PCGF6: variants seen among roughly 807,000 people sequenced by gnomAD.
PCGF6 encodes the protein polycomb group RING finger protein 6.
PCGF6 carries 24 observed loss-of-function variants against 45.5 expected under a neutral mutation model. The ratio of observed to expected loss-of-function variants is 0.53; its 90% CI spans 0.38 to 0.74. The LOEUF is 0.74. PCGF6 is among the 30% of genes least tolerant of loss of function. The pLI is 0.00. For synonymous variants in PCGF6, 152 were observed against 162.1 expected, an observed-to-expected ratio of 0.94 and a Z score of 0.47; for missense variants, 356 against 443.2, an observed-to-expected ratio of 0.80 and a Z score of 1.77.
chr10:103,341,350 G>A (rs2093280027), intron 6 of PCGF6, among the ~76,000 whole-genome samples: 1 of 151,516 alleles, frequency 6.6e-6, no homozygotes, highest in Non-Finnish European at 1.5e-5. Flanking sequence ...TCCGCCTCCC[G>A]GGTTCAAGTG....
intron 7 of PCGF6, among the ~76,000 whole-genome samples, chr10:103,326,916 T>A (rs912823945): frequency 4.6e-5 from 7 of 152,084 alleles, no homozygotes; most frequent in African/African-American, 1.7e-4. Flanking sequence ...AAACTCAGAG[T>A]AAAATTTATT....
chr10:103,314,040 G>T (rs969938799), intron 9 of PCGF6, 146 bp downstream of exon 9: 4 of 376,406 alleles, frequency 1.1e-5, no homozygotes, highest in South Asian at 1.1e-4. Context: ...CACACAGCAA[G>T]AATTTGATAA....
In PCGF6 at chr10:103,338,664, C is replaced by T. The variant is rs568786102; in HGVS notation, c.783-4712G>A. Among the ~76,000 whole-genome samples, 30 of 151,146 alleles carry T rather than the reference C, an allele frequency of 2.0e-4. No individual in the cohort carries two copies. The South Asian group carries it at 5.5e-3, about 27-fold the overall frequency. On this transcript the variant is annotated intron_variant, in intron 6 of 9. Transcript: ENST00000369847. ...GGTGAATCACCTGAGGTCAGGAGTTCGAGACCAGCCTGGCCAACATGATGA... is the reference window on the plus strand; with the variant it reads ...GGTGAATCACCTGAGGTCAGGAGTTTGAGACCAGCCTGGCCAACATGATGA...
chr10:103,335,631 G>T (rs191450603), intron 6 of PCGF6, among the ~76,000 whole-genome samples: 2 of 151,694 alleles, frequency 1.3e-5, no homozygotes, highest in South Asian at 2.1e-4. Flanking sequence ...AAAGTGCTAG[G>T]ATTACAGGAG....
Position 103,314,874 on chromosome 10 carries a change from G to A in PCGF6, c.910-602C>T, listed in dbSNP as rs550906405. 6.4e-5 allele frequency among the ~76,000 whole-genome samples: 9 copies of A among 140,722 alleles called. No homozygotes were observed. The East Asian group carries it at 1.9e-3, about 30-fold the overall frequency. 92.3% of individuals were successfully genotyped at this position (140,722 alleles called of 152,430 possible). On this transcript the variant is annotated intron_variant, in intron 8 of 9. Transcript: ENST00000369847. ...GGAGGCTGAGGCAGGAGAATCACTC[G>A]ACCCCAGGAGGTGTTGGTTGCAATG...
chr10:103,305,288 T>C (rs965639719), intron 9 of PCGF6, among the ~76,000 whole-genome samples: 15 of 151,932 alleles, frequency 9.9e-5, no homozygotes, highest in Non-Finnish European at 1.8e-4. Context: ...TTTTTTTTTT[T>C]TGAAACACAG....
At chr10:103,344,405 G>C (rs1180452474) in intron 6 of PCGF6, among the ~76,000 whole-genome samples, 3 of 151,888 alleles carry the variant, frequency 2.0e-5, no homozygotes, top group Admixed American at 1.3e-4. Context: ...CCGAGTAGCT[G>C]GGATTACAGG....
intron 8 of PCGF6, among the ~76,000 whole-genome samples, chr10:103,326,006 G>A (rs1319549691): frequency 6.6e-6 from 1 of 152,022 alleles, no homozygotes; most frequent in East Asian, 1.9e-4. Context: ...CTTCAGCCTG[G>A]GCAACAGAAA....
chr10:103,309,624 C>A (rs936257859), intron 9 of PCGF6, among the ~76,000 whole-genome samples: 3 of 152,104 alleles, frequency 2.0e-5, no homozygotes, highest in Admixed American at 1.3e-4. Context: ...TACATCTTAA[C>A]AAAACTGCTA....
chr10:103,324,775 C>CA (rs1201045698), intron 8 of PCGF6, among the ~76,000 whole-genome samples: 7,385 of 86,522 alleles, frequency 0.085, 674 homozygotes, highest in African/African-American at 0.26. Context: ...AAAAAAAAAC[C>CA]AAAAAAAAAA....
At chr10:103,321,699 C>T (rs936217301) in intron 8 of PCGF6, among the ~76,000 whole-genome samples, 4 of 151,698 alleles carry the variant, frequency 2.6e-5, no homozygotes, top group Non-Finnish European at 5.9e-5. Context: ...GTGACAGAGA[C>T]TCCGTCTCAA....
At chr10:103,340,402 T>C (rs368717175) in intron 6 of PCGF6, among the ~76,000 whole-genome samples, 2 of 151,864 alleles carry the variant, frequency 1.3e-5, no homozygotes, top group South Asian at 4.2e-4. Flanking sequence ...CCTTGAGCAG[T>C]GTGGTCAAGT....
At chr10:103,347,323 A>C in intron 4 of PCGF6, 26 bp from the exon 5 acceptor site, 1 of 1,593,126 alleles carries the variant, frequency 6.3e-7, no homozygotes, top group South Asian at 1.1e-5. Flanking sequence ...ACACAGACTA[A>C]ATTACACTTA....
intron 6 of PCGF6, among the ~76,000 whole-genome samples, chr10:103,342,567 T>G (rs554057231): frequency 3.9e-5 from 6 of 152,104 alleles, no homozygotes; most frequent in East Asian, 1.9e-4. Context: ...AGGAATGGCC[T>G]GTACACATAA....
intron 1 of PCGF6, 47 bp from the exon 2 acceptor site, chr10:103,349,046 A>G (rs1328454246): frequency 6.6e-7 from 1 of 1,515,306 alleles, no homozygotes; most frequent in Non-Finnish European, 9.0e-7. Flanking sequence ...CTTGCCTTTT[A>G]CAAATTCTTT....
intron 6 of PCGF6, among the ~76,000 whole-genome samples, chr10:103,340,230 A>G: frequency 6.8e-6 from 1 of 146,276 alleles, no homozygotes; most frequent in Middle Eastern, 3.6e-3. Flanking sequence ...TATTTTATAT[A>G]CATACCTTAT....
At chr10:103,320,485 A>C (rs1408919528) in intron 8 of PCGF6, among the ~76,000 whole-genome samples, 2 of 152,114 alleles carry the variant, frequency 1.3e-5, no homozygotes, top group African/African-American at 4.8e-5. Context: ...CTGGGAGTTC[A>C]AGACCAGCCT....
chr10:103,303,956 A>G lies in PCGF6; in HGVS notation c.1002T>C (p.Gly334=), dbSNP rs761175184. The G allele has an allele frequency of 6.2e-7, 1 of 1,613,488 alleles. No individual in the cohort carries two copies. Among genetic ancestry groups the G allele is most frequent in the East Asian group, 2.2e-5 (1 of 44,856 alleles). The change falls in exon 10 of 10, where the codon GGT becomes GGC. Residue 334 remains glycine (G), a synonymous_variant. Transcript: ENST00000369847. ...CAAGACCATAATGAAGGACAAGCAGACCATCCTGAAAAGGGGAGAAAAAAA... is the reference window on the plus strand; with the variant it reads ...CAAGACCATAATGAAGGACAAGCAGGCCATCCTGAAAAGGGGAGAAAAAAA... The part of the protein sequence containing the change: ...RAIGDAAMQD[G]LLVLHYGLVV...
chr10:103,327,039 C>CA (rs1316326228), intron 7 of PCGF6, among the ~76,000 whole-genome samples: 1 of 152,196 alleles, frequency 6.6e-6, no homozygotes, highest in Non-Finnish European at 1.5e-5. Flanking sequence ...GCAATCCCAG[C>CA]ACTTTGGGAG....
Sources: allele counts gnomAD v4.1 joint callset (sites outside exome capture counted in the v4.1 genomes callset), GRCh38; gene constraint gnomAD v4.1.1; transcripts MANE v1.5; gene names NCBI Gene and HGNC (gene_info 2026-07-23, HGNC 2026-07-21).